Variants in KYNU observed in about 807,000 individuals in gnomAD.
KYNU encodes the protein L-kynurenine hydrolase.
Under a neutral mutation model 59.2 loss-of-function variants are expected in KYNU, and 54 were observed. That is an observed-to-expected ratio of 0.91 (90% CI 0.73 to 1.14). The LOEUF (loss-of-function observed/expected upper bound fraction) is 1.14, where lower values mean the gene tolerates loss of function less well. Ranked by LOEUF, KYNU falls within the 50% of genes most tolerant of loss-of-function variation. The pLI is 0.00. For missense variants in KYNU, 567 were observed against 554.4 expected, an observed-to-expected ratio of 1.02 and a Z score of -0.23; for synonymous variants, 177 against 192.0, an observed-to-expected ratio of 0.92 and a Z score of 0.65.
At chr2:142,996,211 G>A (rs1194059219) in intron 10 of KYNU, among the ~76,000 whole-genome samples, 1 of 151,982 alleles carries the variant, frequency 6.6e-6, no homozygotes, top group Non-Finnish European at 1.5e-5. Flanking sequence ...ATCCAAATTC[G>A]ATTGACTGGC....
At chr2:143,016,167 G>T (rs1057004290) in intron 10 of KYNU, among the ~76,000 whole-genome samples, 1 of 152,138 alleles carries the variant, frequency 6.6e-6, no homozygotes. Context: ...GAAAGTGGAC[G>T]TCTGTACAGA....
intron 2 of KYNU, among the ~76,000 whole-genome samples, chr2:142,899,888 G>A (rs1332579017): frequency 2.6e-5 from 4 of 152,078 alleles, no homozygotes; most frequent in Non-Finnish European, 5.9e-5. Context: ...ATAATGATTC[G>A]GCCATCTGAT....
At chr2:142,905,980 C>T (rs1389201027) in intron 2 of KYNU, among the ~76,000 whole-genome samples, 1 of 152,096 alleles carries the variant, frequency 6.6e-6, no homozygotes, top group South Asian at 2.1e-4. Flanking sequence ...CTTTCTATTT[C>T]TTTCTCTCTC....
chr2:142,908,640 A>ATT (rs5834926), intron 2 of KYNU, among the ~76,000 whole-genome samples: 2,752 of 149,364 alleles, frequency 0.018, 83 homozygotes, highest in African/African-American at 0.06. Flanking sequence ...GAAATGATCA[A>ATT]TTTTTTTTTT....
intron 4 of KYNU, among the ~76,000 whole-genome samples, chr2:142,953,210 T>C (rs1240920472): frequency 1.3e-5 from 2 of 152,166 alleles, no homozygotes; most frequent in African/African-American, 4.8e-5. Context: ...CAAGATTAGA[T>C]AGTGAATCCC....
chr2:142,917,996 T>C (rs905926223), intron 2 of KYNU, among the ~76,000 whole-genome samples: 2 of 152,204 alleles, frequency 1.3e-5, no homozygotes, highest in Admixed American at 6.5e-5. Context: ...ATTGGTTTGT[T>C]TGCAGTGGGT....
chr2:142,910,131 C>CTTTTTTTTTTT lies in KYNU; in HGVS notation c.170-8469_170-8459dup, dbSNP rs368644903. 1.8e-4 allele frequency among the ~76,000 whole-genome samples: 19 copies of CTTTTTTTTTTT among 105,480 alleles called. 1 individual carries two copies. The highest frequency in any genetic ancestry group is 3.1e-4 in the East Asian group (1 of 3,208). 69.2% of individuals were successfully genotyped at this position (105,480 alleles called of 152,430 possible). On this transcript the variant is annotated intron_variant, in intron 2 of 13. Transcript: ENST00000264170. ...AGAAGTGTCTATTCATGTTCTTTGC[C>CTTTTTTTTTTT]TTTTTTTTTTTTTTTTTTTCTTTGA...
intron 4 of KYNU, among the ~76,000 whole-genome samples, chr2:142,943,647 C>T (rs1034251797): frequency 6.6e-6 from 1 of 152,078 alleles, no homozygotes; most frequent in East Asian, 1.9e-4. Flanking sequence ...AATCACACAG[C>T]GTTAGCTACA....
At chr2:142,879,559 G>A (rs957748136) in intron 1 of KYNU, 3 of 152,332 alleles carry the variant, frequency 2.0e-5, no homozygotes, top group Non-Finnish European at 2.9e-5. Flanking sequence ...AACAGGCAAG[G>A]AAAAATAAAG....
chr2:142,959,374 G>T (rs1296429783), intron 7 of KYNU, among the ~76,000 whole-genome samples: 2 of 152,082 alleles, frequency 1.3e-5, no homozygotes, highest in African/African-American at 2.4e-5. Flanking sequence ...ATCACGTGAG[G>T]CCGGGAGTTC....
chr2:143,040,494 T>C lies in KYNU; in HGVS notation c.1108T>C (p.Tyr370His). The C allele has an allele frequency of 6.2e-7, 1 of 1,613,344 alleles. No individual in the cohort carries two copies. The highest frequency in any genetic ancestry group is 8.5e-7 in the Non-Finnish European group (1 of 1,179,546). Residue 370 changes from tyrosine (Y) to histidine (H), a missense_variant, in exon 13 of 14, where the codon TAC becomes CAC. Coordinates refer to ENST00000264170, the MANE Select transcript of KYNU (RefSeq NM_003937.3). The stretch of plus-strand genomic sequence containing the variant: ...TGTTTTGCTAACTGGCTATCTGGAA[T>C]ACCTGATCAAGCATAACTATGGCAA... ...KSVLLTGYLEYLIKHNYGKDK... is the reference protein window; with the variant it reads ...KSVLLTGYLEHLIKHNYGKDK...
At chr2:142,924,920 C>G (rs1683001832) in intron 3 of KYNU, among the ~76,000 whole-genome samples, 1 of 152,148 alleles carries the variant, frequency 6.6e-6, no homozygotes, top group Admixed American at 6.5e-5. Flanking sequence ...TTTCACTACC[C>G]CAGGCTAGTG....
At chr2:142,956,793 T>A (rs351673) in intron 6 of KYNU, among the ~76,000 whole-genome samples, 84,664 of 151,768 alleles carry the variant, frequency 0.56, 24,658 homozygotes, top group African/African-American at 0.71. Flanking sequence ...TGATGATGAG[T>A]TGTTTATTCT....
At chr2:142,878,442 A>C (rs1558895816) in intron 1 of KYNU, among the ~76,000 whole-genome samples, 1 of 152,174 alleles carries the variant, frequency 6.6e-6, no homozygotes, top group East Asian at 1.9e-4. Flanking sequence ...ATGCTTAAAG[A>C]ATCTTGCTCA....
At chr2:142,980,632 C>T (rs185242453) in intron 8 of KYNU, among the ~76,000 whole-genome samples, 73 of 152,104 alleles carry the variant, frequency 4.8e-4, no homozygotes, top group Admixed American at 1.8e-3. Context: ...TGGAAATAAT[C>T]AGAATGGCCT....
chr2:143,011,254 A>G (rs984425473), intron 10 of KYNU, among the ~76,000 whole-genome samples: 2 of 132,252 alleles, frequency 1.5e-5, no homozygotes, highest in Non-Finnish European at 3.1e-5. Context: ...TGGGTGAAGG[A>G]CATGAACAGA....
intron 10 of KYNU, among the ~76,000 whole-genome samples, chr2:142,994,244 C>T (rs1431871830): frequency 6.6e-6 from 1 of 151,982 alleles, no homozygotes; most frequent in Non-Finnish European, 1.5e-5. Flanking sequence ...GCATTGCGAG[C>T]TGCCTCAGCA....
intron 10 of KYNU, among the ~76,000 whole-genome samples, chr2:142,994,920 C>A (rs370768212): frequency 1.3e-5 from 2 of 152,040 alleles, no homozygotes; most frequent in South Asian, 4.1e-4. Context: ...ATATGCATTT[C>A]CATATGCTTC....
intron 10 of KYNU, among the ~76,000 whole-genome samples, chr2:143,018,857 G>A: frequency 6.6e-6 from 1 of 152,062 alleles, no homozygotes; most frequent in Non-Finnish European, 1.5e-5. Flanking sequence ...TTGGTTAGAT[G>A]TATTCCTAGG....
Sources: gnomAD v4.1 joint callset for allele counts (sites outside exome capture counted in the v4.1 genomes callset) on GRCh38, gnomAD v4.1.1 for gene constraint, MANE v1.5 for transcripts, NCBI Gene and HGNC (gene_info 2026-07-23, HGNC 2026-07-21) for gene names.